Variants in YAF2 observed in about 807,000 individuals in gnomAD.
YAF2 encodes YY1-associated factor 2.
Under a neutral mutation model 20.1 loss-of-function variants are expected in YAF2, and 7 were observed. The observed-to-expected ratio is 0.35, with a 90% CI of 0.20 to 0.65. The LOEUF is 0.65. YAF2 is among the 30% of genes least tolerant of loss of function. The probability of loss-of-function intolerance (pLI) is 0.69; values close to 1 mark genes in which losing one functional copy is unlikely to be tolerated. For synonymous variants in YAF2, 74 were observed against 76.0 expected, an observed-to-expected ratio of 0.97 and a Z score of 0.14; for missense variants, 151 against 219.2, an observed-to-expected ratio of 0.69 and a Z score of 1.96.
At chr12:42,160,881 A>G in intron 3 of YAF2, 55 bp from the exon 4 acceptor site, 1 of 1,445,716 alleles carries the variant, frequency 6.9e-7, no homozygotes, top group Non-Finnish European at 9.4e-7. Flanking sequence ...CAAATTTCTG[A>G]GCATATAATA....
intron 2 of YAF2, chr12:42,235,921 C>T (rs953461124): frequency 6.5e-7 from 1 of 1,536,132 alleles, no homozygotes; most frequent in Admixed American, 2.0e-5. Context: ...CCACCACCTA[C>T]TCTATTTCTC....
chr12:42,191,685 T>C (rs926786605), intron 2 of YAF2, among the ~76,000 whole-genome samples: 1 of 152,042 alleles, frequency 6.6e-6, no homozygotes, highest in Non-Finnish European at 1.5e-5. Flanking sequence ...AATACAAGGG[T>C]AACAAAAAAA....
chr12:42,234,412 G>A (rs1296017243), intron 2 of YAF2: 17 of 984,480 alleles, frequency 1.7e-5, no homozygotes, highest in Non-Finnish European at 1.9e-5. Flanking sequence ...TGGGTATAAC[G>A]TTCACCATTT....
intron 2 of YAF2, among the ~76,000 whole-genome samples, chr12:42,230,950 G>C (rs1041290427): frequency 7.2e-5 from 11 of 152,296 alleles, no homozygotes; most frequent in Non-Finnish European, 1.0e-4. Context: ...TAAACAACTA[G>C]GATATTAGTT....
At chr12:42,191,778 G>C (rs540127269) in intron 2 of YAF2, among the ~76,000 whole-genome samples, 25 of 152,250 alleles carry the variant, frequency 1.6e-4, no homozygotes, top group African/African-American at 4.8e-4. Context: ...TAACAGGAGT[G>C]GGGGTGAATA....
intron 2 of YAF2, among the ~76,000 whole-genome samples, chr12:42,214,812 G>A (rs368203178): frequency 9.9e-5 from 15 of 151,018 alleles, no homozygotes; most frequent in South Asian, 2.1e-4. Flanking sequence ...GAGACCAGCC[G>A]GGCCAACACG....
At chr12:42,168,095 T>C (rs2136979949) in intron 2 of YAF2, among the ~76,000 whole-genome samples, 1 of 152,272 alleles carries the variant, frequency 6.6e-6, no homozygotes, top group African/African-American at 2.4e-5. Context: ...AGGATTCTGT[T>C]ACACTTTTGT....
At chr12:42,227,648 G>A (rs1264583739) in intron 2 of YAF2, among the ~76,000 whole-genome samples, 2 of 148,572 alleles carry the variant, frequency 1.3e-5, no homozygotes, top group Non-Finnish European at 3.0e-5. Context: ...CCCAGCAGCT[G>A]CCCCGTCTGA....
At chr12:42,218,298 G>A (rs1348845378) in intron 2 of YAF2, among the ~76,000 whole-genome samples, 3 of 151,636 alleles carry the variant, frequency 2.0e-5, no homozygotes, top group Admixed American at 6.6e-5. Context: ...ATAAAGCTAG[G>A]TGCACACAAT....
At chr12:42,188,775 A>G (rs919421151) in intron 2 of YAF2, among the ~76,000 whole-genome samples, 32 of 152,124 alleles carry the variant, frequency 2.1e-4, no homozygotes, top group African/African-American at 7.5e-4. Flanking sequence ...AAAAAGCAAA[A>G]GTTCACTGTT....
chr12:42,177,546 C>A (rs185332407), intron 2 of YAF2, among the ~76,000 whole-genome samples: 1 of 152,276 alleles, frequency 6.6e-6, no homozygotes, highest in South Asian at 2.1e-4. Flanking sequence ...TCCACTTTTA[C>A]GAGTTCATTT....
At chr12:42,229,339 C>A (rs2067902694) in intron 2 of YAF2, among the ~76,000 whole-genome samples, 1 of 138,168 alleles carries the variant, frequency 7.2e-6, no homozygotes, top group Admixed American at 7.3e-5. Context: ...TATCTGCTGA[C>A]CTTCCCTCCA....
chr12:42,199,451 T>G (rs1592230483), intron 2 of YAF2: 1 of 230,948 alleles, frequency 4.3e-6, no homozygotes, highest in East Asian at 1.3e-4. Context: ...AAATTCACTC[T>G]GTTGGGAGGA....
intron 2 of YAF2, among the ~76,000 whole-genome samples, chr12:42,205,624 C>T (rs981572151): frequency 6.6e-6 from 1 of 152,166 alleles, no homozygotes; most frequent in Non-Finnish European, 1.5e-5. Flanking sequence ...CCACCCGCCT[C>T]GGCCTCCCAA....
chr12:42,207,108 T>C, intron 2 of YAF2, among the ~76,000 whole-genome samples: 1 of 152,276 alleles, frequency 6.6e-6, no homozygotes, highest in East Asian at 1.9e-4. Context: ...ATAAAAGCAC[T>C]CTCAATATAA....
rs111290001 is a variant in YAF2, at chr12:42,204,767, C to G, written c.152+32832G>C. 6.2e-3 allele frequency among the ~76,000 whole-genome samples: 945 copies of G among 152,228 alleles called. 7 individuals carry two copies. Among genetic ancestry groups the G allele is most frequent in the African/African-American group, 0.021 (892 of 41,540 alleles). On this transcript the variant is annotated intron_variant, in intron 2 of 3. Transcript: ENST00000534854. ...AAAGAATGAAGTGTACTGACATATG[C>G]TACAATGCGGATAAACCTTAAACAC...
intron 2 of YAF2, among the ~76,000 whole-genome samples, chr12:42,223,242 A>T (rs1056047220): frequency 5.3e-5 from 8 of 152,144 alleles, no homozygotes; most frequent in African/African-American, 1.2e-4. Flanking sequence ...ATATAGCGCC[A>T]GCATACTATG....
chr12:42,229,965 G>A (rs939118039), intron 2 of YAF2, among the ~76,000 whole-genome samples: 5 of 152,158 alleles, frequency 3.3e-5, no homozygotes, highest in East Asian at 1.9e-4. Flanking sequence ...ATCCTAGAGG[G>A]CTTCTTTGAA....
chr12:42,199,185 G>A (rs1425125708), intron 2 of YAF2: 2 of 1,289,192 alleles, frequency 1.6e-6, no homozygotes, highest in Non-Finnish European at 2.0e-6. Context: ...AGAGGCTTGA[G>A]CCAGCAGGAT....
Sources: gnomAD v4.1 joint callset for allele counts (sites outside exome capture counted in the v4.1 genomes callset) on GRCh38, gnomAD v4.1.1 for gene constraint, MANE v1.5 for transcripts, NCBI Gene and HGNC (gene_info 2026-07-23, HGNC 2026-07-21) for gene names.